The following STX11 variants were observed in gnomAD, a reference collection of about 807,000 sequenced individuals.
The protein encoded by STX11 is syntaxin-11.
STX11 carries 21 observed loss-of-function variants against 19.9 expected under a neutral mutation model. The observed-to-expected ratio is 1.06, with a 90% CI of 0.75 to 1.52. The LOEUF (loss-of-function observed/expected upper bound fraction) is 1.52, where lower values mean the gene tolerates loss of function less well. Among genes scored for constraint, STX11 ranks in the 40% most tolerant of loss-of-function variants. The pLI is 0.00. For synonymous variants in STX11, 193 were observed against 174.4 expected, an observed-to-expected ratio of 1.11 and a Z score of -0.84; for missense variants, 438 against 405.9, an observed-to-expected ratio of 1.08 and a Z score of -0.68.
chr6:144,185,998 GTAGA>G (rs1331228102), intron 1 of STX11, among the ~76,000 whole-genome samples: 1 of 150,868 alleles, frequency 6.6e-6, no homozygotes, highest in Non-Finnish European at 1.5e-5. Flanking sequence ...CCAAAGCCTT[GTAGA>G]TTATCCTCAA....
intron 1 of STX11, 109 bp from the exon 2 acceptor site, chr6:144,186,514 G>T: frequency 7.1e-7 from 1 of 1,404,950 alleles, no homozygotes; most frequent in African/African-American, 1.4e-5. Flanking sequence ...TGCCCACACC[G>T]AGGAATACAA....
At chr6:144,181,673 C>T (rs1032610611) in intron 1 of STX11, among the ~76,000 whole-genome samples, 5 of 147,936 alleles carry the variant, frequency 3.4e-5, no homozygotes, top group Non-Finnish European at 6.0e-5. Flanking sequence ...GCATTATAAT[C>T]ACCTGGAGAT....
chr6:144,168,653 T>G (rs1394202554), intron 1 of STX11, among the ~76,000 whole-genome samples: 1 of 152,230 alleles, frequency 6.6e-6, no homozygotes, highest in Non-Finnish European at 1.5e-5. Context: ...TCATCATCAC[T>G]GAACCCACCA....
At position 144,155,992 on chromosome 6, in the gene STX11, T is replaced by C. The variant is rs191172645; in HGVS notation, c.-6+5289T>C. Among the ~76,000 whole-genome samples the C allele has an allele frequency of 7.6e-4, 99 of 130,904 alleles. 2 individuals are homozygous for C. In the East Asian group the frequency reaches 0.012, roughly 16 times the overall value. The allele number at this position is 130,904 out of a possible 152,430, so 85.9% of individuals were successfully genotyped here. A position where few individuals can be genotyped will look rare whatever the true frequency, so the allele number is the denominator to read the frequency against. ...TTTCTTTCTTTCTTTCTTTCTTTCT[T>C]TCTTTCTTTCTTTCTTTCTTTCTCT... On this transcript the variant is annotated intron_variant, in intron 1 of 1. Coordinates refer to ENST00000367568, the MANE Select transcript of STX11 (RefSeq NM_003764.4). This position sits in a 1 kb window ranked among gnomAD's most constrained non-coding sequence, Gnocchi z 4.5.
upstream of STX11, among the ~76,000 whole-genome samples, chr6:144,148,149 CTCAA>C (rs1323343045): frequency 6.6e-6 from 1 of 152,218 alleles, no homozygotes; most frequent in Non-Finnish European, 1.5e-5. Context: ...GTCTTCCTGT[CTCAA>C]TCAATGTAAA....
At position 144,176,907 on chromosome 6, in the gene STX11, C is replaced by T. The variant is rs1012520315; in HGVS notation, c.-5-9716C>T. Among the ~76,000 whole-genome samples the T allele has an allele frequency of 2.0e-5, 3 of 152,164 alleles. No homozygotes were observed. Among genetic ancestry groups the T allele is most frequent in the Non-Finnish European group, 4.4e-5 (3 of 68,036 alleles). ...AAAGGTTACTTACATGGAAAACCCT[C>T]ATGCATTGATGATGTTGGATAACTC... On this transcript the variant is annotated intron_variant, in intron 1 of 1. Coordinates refer to ENST00000367568, the MANE Select transcript of STX11 (RefSeq NM_003764.4). This position sits in a 1 kb window ranked among gnomAD's most constrained non-coding sequence, Gnocchi z 4.1.
At position 144,170,486 on chromosome 6, in the gene STX11, A is replaced by C. The variant is rs1168507471; in HGVS notation, c.-5-16137A>C. ...ACTTGTGTTTTGACTGCGACTTGTC[A>C]CAGGAGGTCAAGTGTGGAATAGTCC... On this transcript the variant is annotated intron_variant, in intron 1 of 1. Transcript: ENST00000367568. This position sits in a 1 kb window ranked among gnomAD's most constrained non-coding sequence, Gnocchi z 4.7. 6.6e-6 allele frequency among the ~76,000 whole-genome samples: 1 copy of C among 152,210 alleles called. No individual in the cohort carries two copies. Among genetic ancestry groups the C allele is most frequent in the African/African-American group, 2.4e-5 (1 of 41,456 alleles).
At chr6:144,140,262 A>G in the STX11 span, among the ~76,000 whole-genome samples, 5 of 55,128 alleles carry the variant, frequency 9.1e-5, no homozygotes, top group South Asian at 1.5e-3. Flanking sequence ...ATATTTATTT[A>G]TTTATTTTTT....
In STX11 at chr6:144,171,705, CT is replaced by C. The variant is rs200603148; in HGVS notation, c.-5-14910del. ...GGAAGCTGTGTGTGTGTGAGATAAT[CT>C]TTTTTTTAGCATCTTTTTTTTTTCT... On this transcript the variant is annotated intron_variant, in intron 1 of 1. Transcript: ENST00000367568. Among the ~76,000 whole-genome samples the C allele has an allele frequency of 5.8e-3, 725 of 124,298 alleles. 27 individuals carry two copies. The East Asian group carries it at 0.1, about 17-fold the overall frequency. 81.5% of individuals were successfully genotyped at this position (124,298 alleles called of 152,430 possible).
Position 144,153,788 on chromosome 6 carries a change from C to T in STX11, c.-6+3085C>T, listed in dbSNP as rs528542337. ...AGAGGTTTAATAGGTGGAACCCTGT[C>T]GGGTGTGTGTAATGAGGAGGTAGGA... On this transcript the variant is annotated intron_variant, in intron 1 of 1. Coordinates refer to ENST00000367568, the MANE Select transcript of STX11 (RefSeq NM_003764.4). The surrounding 1 kb of genome is among the most constrained non-coding windows in gnomAD (Gnocchi z 5.0). Among the ~76,000 whole-genome samples the T allele has an allele frequency of 2.0e-5, 3 of 152,064 alleles. No individual in the cohort carries two copies. The highest frequency in any genetic ancestry group is 6.6e-5 in the Admixed American group (1 of 15,264).
intron 1 of STX11, among the ~76,000 whole-genome samples, chr6:144,157,667 G>GT (rs1339338352): frequency 6.6e-6 from 1 of 152,120 alleles, no homozygotes; most frequent in East Asian, 1.9e-4. Flanking sequence ...GCCAGGGAGA[G>GT]TAGGCCGTGG....
chr6:144,190,771 G>A lies in STX11; in HGVS notation c.*3280G>A, dbSNP rs577090922. On this transcript the variant is annotated 3_prime_UTR_variant, in exon 2 of 2. Transcript: ENST00000367568. ...CCAAGCTGTGAGTCAGAAAGTCCTG[G>A]AAGGAGTTGTAGGAAGTTGTAGAGG... is the stretch of plus-strand genomic sequence containing the variant. Among the ~76,000 whole-genome samples the A allele has an allele frequency of 6.6e-6, 1 of 152,264 alleles. No individual in the cohort carries two copies. Among genetic ancestry groups the A allele is most frequent in the South Asian group, 2.1e-4 (1 of 4,818 alleles).
At chr6:144,178,743 A>G (rs1801832857) in intron 1 of STX11, among the ~76,000 whole-genome samples, 1 of 152,218 alleles carries the variant, frequency 6.6e-6, no homozygotes, top group Non-Finnish European at 1.5e-5. Flanking sequence ...AACCATTTCA[A>G]TTAATACTCT....
At chr6:144,156,344 G>T (rs940365631) in intron 1 of STX11, among the ~76,000 whole-genome samples, 2 of 152,110 alleles carry the variant, frequency 1.3e-5, no homozygotes, top group Non-Finnish European at 2.9e-5. Flanking sequence ...GATTATAGGC[G>T]TGAGCCACTG....
At chr6:144,140,213 T>A in the STX11 span, among the ~76,000 whole-genome samples, 1,621 of 26,312 alleles carry the variant, frequency 0.062, 82 homozygotes, top group East Asian at 0.29. Flanking sequence ...AATTCACATA[T>A]ATATATATAT....
the STX11 span, among the ~76,000 whole-genome samples, chr6:144,140,031 A>T: frequency 4.0e-5 from 6 of 151,216 alleles, no homozygotes; most frequent in African/African-American, 7.3e-5. Context: ...CACTCCTCAC[A>T]CCTGGGGCAC....
At position 144,155,375 on chromosome 6, in the gene STX11, G is replaced by A. The variant is rs7740089; in HGVS notation, c.-6+4672G>A. Among the ~76,000 whole-genome samples, 13,466 of 152,108 alleles carry A rather than the reference G, an allele frequency of 0.089. 1,701 individuals are homozygous for A. Among genetic ancestry groups the A allele is most frequent in the African/African-American group, 0.28 (11,599 of 41,396 alleles). The stretch of plus-strand genomic sequence containing the variant: ...GGGGGAGAATGTTCAAATGTCTAAA[G>A]CTTGAAGTTTTAAAATAGTTTCTCC... On this transcript the variant is annotated intron_variant, in intron 1 of 1. Transcript: ENST00000367568. The surrounding 1 kb of genome is among the most constrained non-coding windows in gnomAD (Gnocchi z 4.5).
rs1802140664 is a variant in STX11, at chr6:144,188,860, G to A, written c.*1369G>A. ...TCCTGACTCAGCCTCCTGAGAAGTT[G>A]GGACTCTGGGCGCGTGCCACAATGT... On this transcript the variant is annotated 3_prime_UTR_variant, in exon 2 of 2. Coordinates refer to ENST00000367568, the MANE Select transcript of STX11 (RefSeq NM_003764.4). Among the ~76,000 whole-genome samples the A allele has an allele frequency of 6.7e-6, 1 of 150,094 alleles. No homozygotes were observed. Among genetic ancestry groups the A allele is most frequent in the African/African-American group, 2.5e-5 (1 of 40,678 alleles).
rs565015109 is a variant in STX11, at chr6:144,173,408, C to G, written c.-5-13215C>G. On this transcript the variant is annotated intron_variant, in intron 1 of 1. Transcript: ENST00000367568. ...CACTTTGTCTAGCTGAGAAGGTCTG[C>G]GAGGCAGCTTATTCAATTTTACCGA... 1.2e-3 allele frequency among the ~76,000 whole-genome samples: 180 copies of G among 152,290 alleles called. 1 individual carries two copies. The highest frequency in any genetic ancestry group is 4.2e-3 in the African/African-American group (175 of 41,554).
Sources: allele counts gnomAD v4.1 joint callset (sites outside exome capture counted in the v4.1 genomes callset), GRCh38; gene constraint gnomAD v4.1.1; non-coding constraint Gnocchi (gnomAD v3.1); transcripts MANE v1.5; gene names NCBI Gene and HGNC (gene_info 2026-07-23, HGNC 2026-07-21).